Variants in GALNT9 observed in about 807,000 individuals in gnomAD.
GALNT9 encodes the protein GalNAc transferase 9.
A neutral mutation model predicts 63.1 loss-of-function variants in GALNT9; 47 were observed. The observed-to-expected ratio is 0.75, with a 90% CI of 0.59 to 0.95. The LOEUF (loss-of-function observed/expected upper bound fraction) is 0.95. GALNT9 is among the 40% of genes least tolerant of loss of function. GALNT9 has a pLI of 0.00. For synonymous variants in GALNT9, 396 were observed against 365.7 expected (o/e 1.08, Z -0.94); for missense variants, 829 against 874.8 (o/e 0.95, Z 0.66).
intron 2 of GALNT9, among the ~76,000 whole-genome samples, chr12:132,262,864 C>G (rs1046888845): frequency 1.3e-5 from 2 of 152,096 alleles, no homozygotes; most frequent in African/African-American, 4.8e-5. Flanking sequence ...GGTCACTGGA[C>G]AAGGCCTGGA....
At position 132,212,158 on chromosome 12, in the gene GALNT9, A is replaced by T. The variant is rs569306464; in HGVS notation, c.1078-8468T>A. 5.8e-3 allele frequency among the ~76,000 whole-genome samples: 607 copies of T among 104,002 alleles called. 5 individuals carry two copies. The highest frequency in any genetic ancestry group is 6.9e-3 in the Middle Eastern group (1 of 144). 68.2% of individuals were successfully genotyped at this position (104,002 alleles called of 152,430 possible). A position where few individuals can be genotyped will look rare whatever the true frequency, so the allele number is the denominator to read the frequency against. On this transcript the variant is annotated intron_variant, in intron 6 of 10. Coordinates refer to ENST00000328957, the MANE Select transcript of GALNT9 (RefSeq NM_001122636.2). ...CACCCGGGTCTACAGCCTTCACACC[A>T]CGACACGGAAACCCCACCCGGGTCT... is the stretch of plus-strand genomic sequence containing the variant.
In GALNT9 at chr12:132,225,063, AC is replaced by A. The variant is rs1250877496; in HGVS notation, c.1078-21374del. Reference sequence around the variant, plus strand: ...ACACCCCACACACTACATACACACCACCCCCCCACACACAACCCACATGCCA... The same window carrying A: ...ACACCCCACACACTACATACACACCACCCCCCACACACAACCCACATGCCA... On this transcript the variant is annotated intron_variant, in intron 6 of 10. Transcript: ENST00000328957. Among the ~76,000 whole-genome samples, 613 of 61,932 alleles carry A rather than the reference AC, an allele frequency of 9.9e-3. 7 individuals carry two copies. The highest frequency in any genetic ancestry group is 0.038 in the African/African-American group (577 of 15,330). The allele number at this position is 61,932 out of a possible 152,430, so 40.6% of individuals were successfully genotyped here. A position where few individuals can be genotyped will look rare whatever the true frequency, so the allele number is the denominator to read the frequency against.
intron 1 of GALNT9, among the ~76,000 whole-genome samples, chr12:132,311,506 G>A (rs944559468): frequency 2.0e-5 from 3 of 152,194 alleles, no homozygotes; most frequent in African/African-American, 7.2e-5. Flanking sequence ...CTCGGGTTAT[G>A]CCTGCAACTC....
chr12:132,286,506 C>T lies in GALNT9; in HGVS notation c.239-76G>A, dbSNP rs1555242219. The T allele has an allele frequency of 6.9e-7, 1 of 1,449,462 alleles. No homozygotes were observed. Among genetic ancestry groups the T allele is most frequent in the Non-Finnish European group, 9.1e-7 (1 of 1,103,704 alleles). The allele number at this position is 1,449,462 out of a possible 1,614,324, so 89.8% of individuals were successfully genotyped here. On this transcript the variant is annotated intron_variant, in intron 1 of 10. Coordinates refer to ENST00000328957, the MANE Select transcript of GALNT9 (RefSeq NM_001122636.2). The surrounding 1 kb of genome is among the most constrained non-coding windows in gnomAD (Gnocchi z 7.4). ...CTGCACCCAGGAGACGCCCCTCCCGCCCCTCTCCCCGACGGCCGCTTCCCC... is the reference window on the plus strand; with the variant it reads ...CTGCACCCAGGAGACGCCCCTCCCGTCCCTCTCCCCGACGGCCGCTTCCCC...
chr12:132,304,998 CGGGCACATCCTCACCG>C (rs1555244466), intron 1 of GALNT9, among the ~76,000 whole-genome samples: 4 of 30,412 alleles, frequency 1.3e-4, no homozygotes, highest in East Asian at 0.011. Flanking sequence ...CACCCTCACC[CGGGCACATCCTCACCG>C]GGGCACACCC....
chr12:132,220,523 G>C (rs1431359160), intron 6 of GALNT9, among the ~76,000 whole-genome samples: 1 of 152,222 alleles, frequency 6.6e-6, no homozygotes, highest in Non-Finnish European at 1.5e-5. Flanking sequence ...GTAAGATGCA[G>C]TCAGTAACTT....
rs530490538 is a variant in GALNT9, at chr12:132,267,745, GCA to G, written c.420-5122_420-5121del. ...CTTCGGAAAATGGGGAAATACACAAGCACACACACTCACACACACATGCACTC... is the reference window on the plus strand; with the variant it reads ...CTTCGGAAAATGGGGAAATACACAAGCACACACTCACACACACATGCACTC... On this transcript the variant is annotated intron_variant, in intron 2 of 10. Transcript: ENST00000328957. Among the ~76,000 whole-genome samples, 111 of 132,460 alleles carry G rather than the reference GCA, an allele frequency of 8.4e-4. 2 individuals are homozygous for G. Among genetic ancestry groups the G allele is most frequent in the Middle Eastern group, 3.6e-3 (1 of 274 alleles). The allele number at this position is 132,460 out of a possible 152,430, so 86.9% of individuals were successfully genotyped here.
rs1305228889 is a variant in GALNT9 at position 132,240,560 on chromosome 12, T to C, written c.1077+7350A>G. 3 of 449,340 alleles carry C rather than the reference T, an allele frequency of 6.7e-6. No homozygotes were observed. In the East Asian group the frequency reaches 2.1e-4, roughly 32 times the overall value. 27.8% of individuals were successfully genotyped at this position (449,340 alleles called of 1,614,324 possible). ...CTGGCGTGGCCCCAGGGCTCAGCTG[T>C]GGGCTCCGTGCGTGGCCCCGGGGCT... On this transcript the variant is annotated intron_variant, in intron 6 of 10. Coordinates refer to ENST00000328957, the MANE Select transcript of GALNT9 (RefSeq NM_001122636.2).
intron 2 of GALNT9, chr12:132,280,516 C>T (rs911352301): frequency 3.3e-5 from 5 of 152,252 alleles, no homozygotes; most frequent in African/African-American, 9.7e-5. Flanking sequence ...AAGGGGCCCG[C>T]GTGGAAGCTT....
rs1485911147 is a variant in GALNT9, at chr12:132,262,676, C to T, written c.420-51G>A. The stretch of plus-strand genomic sequence containing the variant: ...GGTCAGGGCGCAGCATGAGGGACCC[C>T]GGAAGCCATAGCTCATCTGTCTGCA... On this transcript the variant is annotated intron_variant, in intron 2 of 10. Transcript: ENST00000328957. The T allele has an allele frequency of 1.7e-5, 25 of 1,453,126 alleles. 1 individual carries two copies. Among genetic ancestry groups the T allele is most frequent in the South Asian group, 5.7e-5 (4 of 70,356 alleles). 90.0% of individuals were successfully genotyped at this position (1,453,126 alleles called of 1,614,324 possible). A position where few individuals can be genotyped will look rare whatever the true frequency, so the allele number is the denominator to read the frequency against.
intron 6 of GALNT9, among the ~76,000 whole-genome samples, chr12:132,215,238 GAC>G (rs1409376606): frequency 6.6e-6 from 1 of 152,250 alleles, no homozygotes; most frequent in Non-Finnish European, 1.5e-5. Context: ...GTTTGCAGGT[GAC>G]ACAGCCCAGG....
At chr12:132,207,229 C>G (rs1593469705) in intron 6 of GALNT9, among the ~76,000 whole-genome samples, 1 of 152,364 alleles carries the variant, frequency 6.6e-6, no homozygotes, top group East Asian at 1.9e-4. Context: ...GTCCCCGTCT[C>G]TGCCTGTCCC....
intron 6 of GALNT9, chr12:132,247,644 A>C: frequency 1.5e-5 from 8 of 544,788 alleles, no homozygotes; most frequent in East Asian, 4.2e-5. Flanking sequence ...CCCAGACGCC[A>C]TGGCCGCACT....
chr12:132,311,366 TC>T (rs1392170426), intron 1 of GALNT9, among the ~76,000 whole-genome samples: 1 of 152,018 alleles, frequency 6.6e-6, no homozygotes, highest in Non-Finnish European at 1.5e-5. Context: ...CAAGCAACCA[TC>T]AAGGCCTGAA....
In GALNT9 at chr12:132,236,223, G is replaced by C. The variant is rs766704773; in HGVS notation, c.1077+11687C>G. On this transcript the variant is annotated intron_variant, in intron 6 of 10. Coordinates refer to ENST00000328957, the MANE Select transcript of GALNT9 (RefSeq NM_001122636.2). The surrounding 1 kb of genome is among the most constrained non-coding windows in gnomAD (Gnocchi z 5.6). ...TGCCAGCCTCCCTCCCCCAGGCATC[G>C]ATCTCGTGAATAAATCAGCAATGAC... 6.0e-5 allele frequency among the ~76,000 whole-genome samples: 9 copies of C among 151,248 alleles called. No individual in the cohort carries two copies. Among genetic ancestry groups the C allele is most frequent in the Non-Finnish European group, 1.0e-4 (7 of 67,790 alleles).
Position 132,325,134 on chromosome 12 carries a change from G to A in GALNT9, c.238+3832C>T, listed in dbSNP as rs905948476. 8.5e-5 allele frequency among the ~76,000 whole-genome samples: 13 copies of A among 152,234 alleles called. 1 individual carries two copies. The highest frequency in any genetic ancestry group is 1.9e-4 in the East Asian group (1 of 5,192). On this transcript the variant is annotated intron_variant, in intron 1 of 10. Coordinates refer to ENST00000328957, the MANE Select transcript of GALNT9 (RefSeq NM_001122636.2). ...CCGGCTCAGGCCTCCCTGGGGGACA[G>A]GGCAGGCCTTGGTGGGGTGACGCCT...
chr12:132,229,874 A>G (rs1444559439), intron 6 of GALNT9, among the ~76,000 whole-genome samples: 1 of 152,208 alleles, frequency 6.6e-6, no homozygotes, highest in Non-Finnish European at 1.5e-5. Context: ...GAGCTTGCCC[A>G]AGGTCACCGT....
At chr12:132,197,573 C>T (rs780126310) in intron 10 of GALNT9, among the ~76,000 whole-genome samples, 1 of 152,170 alleles carries the variant, frequency 6.6e-6, no homozygotes, top group Admixed American at 6.5e-5. Context: ...CTGTCCAGCC[C>T]GACCCCTCTC....
Position 132,327,441 on chromosome 12 carries a change from C to T in GALNT9, c.238+1525G>A, listed in dbSNP as rs1555246587. Among the ~76,000 whole-genome samples, 3 of 152,004 alleles carry T rather than the reference C, an allele frequency of 2.0e-5. No homozygotes were observed. The stretch of plus-strand genomic sequence containing the variant: ...AGGCAGGGAAAACGACTCACAGGGC[C>T]GAGCTGCCCTCGTGGTGTTACACAA... On this transcript the variant is annotated intron_variant, in intron 1 of 10. Transcript: ENST00000328957. This position sits in a 1 kb window ranked among gnomAD's most constrained non-coding sequence, Gnocchi z 4.3.
Sources: gnomAD v4.1 joint callset for allele counts (sites outside exome capture counted in the v4.1 genomes callset) on GRCh38, gnomAD v4.1.1 for gene constraint, Gnocchi (gnomAD v3.1) non-coding constraint, MANE v1.5 for transcripts, NCBI Gene and HGNC (gene_info 2026-07-23, HGNC 2026-07-21) for gene names.